Variants in ZNF814 observed in about 807,000 individuals in gnomAD.
ZNF814 encodes zinc finger protein 814.
Under a neutral mutation model 7.5 loss-of-function variants are expected in ZNF814, and 5 were observed. The ratio of observed to expected loss-of-function variants is 0.67; its 90% CI spans 0.35 to 1.40. ZNF814 has a LOEUF of 1.40. ZNF814 is among the 40% of genes most tolerant of loss of function. The probability of loss-of-function intolerance (pLI) is 0.04; values close to 1 mark genes in which losing one functional copy is unlikely to be tolerated. For synonymous variants in ZNF814, 315 were observed against 340.7 expected, an observed-to-expected ratio of 0.92 and a Z score of 0.83; for missense variants, 962 against 1,018.0, an observed-to-expected ratio of 0.94 and a Z score of 0.75.
the ZNF814 span, among the ~76,000 whole-genome samples, chr19:57,895,347 C>T: frequency 6.6e-6 from 1 of 150,996 alleles, no homozygotes; most frequent in Non-Finnish European, 1.5e-5. Flanking sequence ...GCGATCTCGG[C>T]TCACTGCAAC....
chr19:57,889,200 C>T (rs1600141631), upstream of ZNF814: 2 of 393,046 alleles, frequency 5.1e-6, no homozygotes, highest in Non-Finnish European at 9.0e-6. Context: ...GCGCAATTCC[C>T]AGAGGCGCTT....
At chr19:57,883,437 T>G (rs1461544270) in intron 1 of ZNF814, among the ~76,000 whole-genome samples, 1 of 150,848 alleles carries the variant, frequency 6.6e-6, no homozygotes, top group Non-Finnish European at 1.5e-5. Context: ...CCAAGGCGGA[T>G]GGATCATGAG....
chr19:57,897,201 G>T, the ZNF814 span, among the ~76,000 whole-genome samples: 1 of 152,158 alleles, frequency 6.6e-6, no homozygotes, highest in Non-Finnish European at 1.5e-5. Flanking sequence ...CTAATACAGA[G>T]TGTCAAAATG....
At position 57,872,863 on chromosome 19, in the gene ZNF814, G is replaced by A. The variant is rs776432920; in HGVS notation, c.2527C>T (p.Leu843Phe). 4 of 1,612,890 alleles carry A rather than the reference G, an allele frequency of 2.5e-6. No homozygotes were observed. The highest frequency in any genetic ancestry group is 3.4e-6 in the Non-Finnish European group (4 of 1,179,550). Residue 843 changes from leucine (L) to phenylalanine (F), a missense_variant, in exon 3 of 3, where the codon CTC becomes TTC. This residue lies in a region of ZNF814 where 665 missense variants were observed against 551.4 expected (regional missense o/e 1.21). Coordinates refer to ENST00000435989, the MANE Select transcript of ZNF814 (RefSeq NM_001144989.2). ...CGKLFNKKSH[L>F]LVHQSSHWRK... ...CAGTGTGAACTCTGGTGTACAAGGA[G>A]GTGAGACTTCTTGTTAAATAATTTC...
At chr19:57,887,875 C>T (rs2071705945) in intron 1 of ZNF814, among the ~76,000 whole-genome samples, 1 of 152,222 alleles carries the variant, frequency 6.6e-6, no homozygotes, top group African/African-American at 2.4e-5. Flanking sequence ...TAGAGCGCCA[C>T]ACCTGGTACC....
Position 57,874,848 on chromosome 19 carries a change from G to T in ZNF814, c.542C>A (p.Pro181His). Residue 181 changes from proline to histidine, a missense_variant, in exon 3 of 3, where the codon CCC becomes CAC. Transcript: ENST00000435989. Reference sequence around the variant, plus strand: ...CTCCTGCTGGAGTAATCCTGACCTGGGCAAAAAGTCCTTCCCACTCTCACT... The same window carrying T: ...CTCCTGCTGGAGTAATCCTGACCTGTGCAAAAAGTCCTTCCCACTCTCACT... ...VFSESGKDFL[P>H]RSGLLQQEAS... 7.4e-6 allele frequency: 12 copies of T among 1,614,032 alleles called. No homozygotes were observed. The highest frequency in any genetic ancestry group is 9.3e-6 in the Non-Finnish European group (11 of 1,179,980).
At chr19:57,882,608 CTGTTA>C (rs1228317558) in intron 1 of ZNF814, among the ~76,000 whole-genome samples, 2 of 124,436 alleles carry the variant, frequency 1.6e-5, no homozygotes, top group Non-Finnish European at 3.2e-5. Context: ...GAGTCTCTAC[CTGTTA>C]TGTTAATCAA....
intron 1 of ZNF814, among the ~76,000 whole-genome samples, chr19:57,881,144 TCAGA>T (rs1386352297): frequency 3.3e-4 from 47 of 144,382 alleles, no homozygotes; most frequent in Admixed American, 4.8e-4. Context: ...GCAGTGACTG[TCAGA>T]CGTTGCACAG....
rs774286359 is a variant in ZNF814 at position 57,873,529 on chromosome 19, G to C, written c.1861C>G (p.His621Asp). The change falls in exon 3 of 3, where the codon CAC becomes GAC. Residue 621 changes from histidine to aspartate, a missense_variant. By Grantham distance (81) the His-to-Asp change is moderately conservative (BLOSUM62 -1). Around this residue, in one of 7 missense-constraint regions of ZNF814, gnomAD observed 665 missense variants for 551.4 expected, o/e 1.21. Transcript: ENST00000435989. ...TCTCCAGTGTGCATGCGCTGATGGT[G>C]AACAAGGCTGCGCTTATGACTAAAA... ...KSFSHKRSLV[H>D]HQRMHTGERP... 3 of 1,613,904 alleles carry C rather than the reference G, an allele frequency of 1.9e-6. No homozygotes were observed. The highest frequency in any genetic ancestry group is 4.5e-5 in the East Asian group (2 of 44,864).
the ZNF814 span, among the ~76,000 whole-genome samples, chr19:57,901,129 C>T: frequency 6.6e-6 from 1 of 152,078 alleles, no homozygotes; most frequent in Non-Finnish European, 1.5e-5. Context: ...AGCCACCGCG[C>T]CCAGCAGCCA....
intron 2 of ZNF814, among the ~76,000 whole-genome samples, chr19:57,875,718 A>G (rs2071600743): frequency 6.6e-6 from 1 of 152,172 alleles, no homozygotes; most frequent in Non-Finnish European, 1.5e-5. Flanking sequence ...AAGATTAGAT[A>G]GGAGAATGGA....
At chr19:57,893,602 C>T (rs557593435), upstream of ZNF814, among the ~76,000 whole-genome samples, 24 of 151,862 alleles carry the variant, frequency 1.6e-4, no homozygotes, top group East Asian at 4.4e-3. Flanking sequence ...CATGGTGAAA[C>T]AACATCTCTA....
chr19:57,875,739 C>T (rs961908603), intron 2 of ZNF814, among the ~76,000 whole-genome samples: 1 of 152,044 alleles, frequency 6.6e-6, no homozygotes, highest in Non-Finnish European at 1.5e-5. Flanking sequence ...CATTAGGGTA[C>T]AAGTTCATGT....
Position 57,874,023 on chromosome 19 carries a change from CGTT to C in ZNF814, c.1364_1366del (p.Gln455del), listed in dbSNP as rs2071581722. The C allele has an allele frequency of 3.1e-6, 5 of 1,613,144 alleles. No homozygotes were observed. Among genetic ancestry groups the C allele is most frequent in the South Asian group, 1.1e-5 (1 of 90,970 alleles). On this transcript the variant is annotated inframe_deletion, in exon 3 of 3. Transcript: ENST00000435989. The stretch of plus-strand genomic sequence containing the variant: ...GAAAGGTCTTTCTCCGGCGTGAACT[CGTT>C]GATGGCTCCTAAGATGTCCTTCTGA...
chr19:57,904,768 T>C, the ZNF814 span, among the ~76,000 whole-genome samples: 1 of 151,752 alleles, frequency 6.6e-6, no homozygotes, highest in Non-Finnish European at 1.5e-5. Flanking sequence ...AGCCCAGGCA[T>C]CGCCGGGAGT....
chr19:57,873,286 G>A lies in ZNF814; in HGVS notation c.2104C>T (p.His702Tyr), dbSNP rs753640785. 1.4e-5 allele frequency: 22 copies of A among 1,594,060 alleles called. No individual in the cohort carries two copies. Among genetic ancestry groups the A allele is most frequent in the Non-Finnish European group, 1.8e-5 (21 of 1,169,642 alleles). The change falls in exon 3 of 3, where the codon CAC becomes TAC. Residue 702 changes from histidine to tyrosine, a missense_variant. His to Tyr is a moderately conservative substitution (Grantham distance 83, BLOSUM62 2). Transcript: ENST00000435989. ...TGAATTCTCTGGTGTACAAGGAGGT[G>A]AGACTTCTTCTTAAATAATTTTCCA... ...ECGKLFKKKS[H>Y]LLVHQRIHNG... is the part of the protein sequence containing the mutation.
the ZNF814 span, among the ~76,000 whole-genome samples, chr19:57,896,474 C>G: frequency 6.6e-6 from 1 of 152,218 alleles, no homozygotes; most frequent in Admixed American, 6.5e-5. This position sits in a 1 kb window ranked among gnomAD's most constrained non-coding sequence, Gnocchi z 4.2. Flanking sequence ...CCTTTCCCTC[C>G]CCATAATGGG....
At chr19:57,885,763 C>A (rs556407637) in intron 1 of ZNF814, 71 of 151,382 alleles carry the variant, frequency 4.7e-4, no homozygotes, top group African/African-American at 1.7e-3. Flanking sequence ...ACAGTAAAAA[C>A]AACCTAATTG....
the ZNF814 span, among the ~76,000 whole-genome samples, chr19:57,896,317 A>C: frequency 1.3e-5 from 2 of 152,258 alleles, no homozygotes; most frequent in Non-Finnish European, 2.9e-5. The surrounding 1 kb of genome is among the most constrained non-coding windows in gnomAD (Gnocchi z 4.2). Flanking sequence ...AGACAGATTC[A>C]GATGAGGAAG....
Sources: gnomAD v4.1 joint callset for allele counts (sites outside exome capture counted in the v4.1 genomes callset) on GRCh38, gnomAD v4.1.1 for gene constraint, gnomAD v4.1.1 regional missense constraint, Gnocchi (gnomAD v3.1) non-coding constraint, MANE v1.5 for transcripts, NCBI Gene and HGNC (gene_info 2026-07-23, HGNC 2026-07-21) for gene names.